Variants in SMARCA2 observed in about 807,000 individuals in gnomAD.
SMARCA2 encodes SWI/SNF-related matrix-associated actin-dependent regulator of chromatin subfamily A member 2.
In SMARCA2, 61 loss-of-function variants were observed where a neutral mutation model predicts 199.8. The observed-to-expected ratio is 0.31, with a 90% CI of 0.25 to 0.38. SMARCA2 has a LOEUF of 0.38. Among genes scored for constraint, SMARCA2 ranks in the 10% least tolerant of loss-of-function variants. The pLI is 1.00. For synonymous variants in SMARCA2, 935 were observed against 732.0 expected, an observed-to-expected ratio of 1.28 and a Z score of -4.48; for missense variants, 1,344 against 2,012.2, an observed-to-expected ratio of 0.67 and a Z score of 6.35.
chr9:2,141,686 G>A (rs929542995), intron 27 of SMARCA2, among the ~76,000 whole-genome samples: 3 of 152,084 alleles, frequency 2.0e-5, no homozygotes, highest in Admixed American at 6.5e-5. Flanking sequence ...TATTCACTAT[G>A]TAGTTGTGTG....
At chr9:2,060,118 CAA>C (rs372329238) in intron 8 of SMARCA2, among the ~76,000 whole-genome samples, 4,290 of 60,550 alleles carry the variant, frequency 0.071, 8 homozygotes, top group East Asian at 0.088. Flanking sequence ...GATCTGTGGC[CAA>C]AAAAAAAAAA....
At chr9:2,191,128 A>G in intron 32 of SMARCA2, 138 bp from the exon 33 acceptor site, 2 of 807,418 alleles carry the variant, frequency 2.5e-6, no homozygotes, top group African/African-American at 1.7e-5. Context: ...AGAACCACAC[A>G]GAACAGGCAT....
chr9:2,085,674 C>G (rs906644962), intron 17 of SMARCA2: 2 of 151,464 alleles, frequency 1.3e-5, no homozygotes, highest in African/African-American at 2.4e-5. Context: ...TTTTTCTTAC[C>G]TGTACATCCC....
chr9:2,032,744 A>AC (rs1474915314), intron 2 of SMARCA2: 5 of 417,434 alleles, frequency 1.2e-5, no homozygotes, highest in Non-Finnish European at 2.1e-5. Context: ...AAACAAACAA[A>AC]AAAACAACCC....
intron 19 of SMARCA2, among the ~76,000 whole-genome samples, chr9:2,092,601 C>T (rs67753941): frequency 0.12 from 18,141 of 152,176 alleles, 1,203 homozygotes; most frequent in East Asian, 0.21. Context: ...TCAAATACTT[C>T]TACAGGGGTA....
At chr9:2,093,919 G>C (rs1311344937) in intron 19 of SMARCA2, among the ~76,000 whole-genome samples, 1 of 152,178 alleles carries the variant, frequency 6.6e-6, no homozygotes, top group Admixed American at 6.5e-5. Context: ...AAATAAATAT[G>C]TAGATATATG....
chr9:2,156,559 T>A (rs1008213273), intron 27 of SMARCA2, among the ~76,000 whole-genome samples: 1 of 151,194 alleles, frequency 6.6e-6, no homozygotes, highest in South Asian at 2.1e-4. Flanking sequence ...GACTCCTGAG[T>A]AGGTGGGATT....
chr9:2,071,062 G>A (rs1028285501), intron 10 of SMARCA2, among the ~76,000 whole-genome samples: 2 of 152,070 alleles, frequency 1.3e-5, no homozygotes, highest in African/African-American at 2.4e-5. Context: ...CCCTGCCAGC[G>A]ATTCACAGTG....
At chr9:2,018,895 G>C (rs920990028) in intron 1 of SMARCA2, among the ~76,000 whole-genome samples, 3 of 152,196 alleles carry the variant, frequency 2.0e-5, no homozygotes, top group African/African-American at 7.2e-5. Flanking sequence ...TAGGCTTCCA[G>C]GCTACCTCTA....
chr9:2,119,542 T>A lies in SMARCA2; in HGVS notation c.3762+7T>A. The A allele has an allele frequency of 1.9e-6, 3 of 1,591,092 alleles. No individual in the cohort carries two copies. In the South Asian group the frequency reaches 3.3e-5, roughly 18 times the overall value. ...AGAATTTGACCTTTTTATGGTAATG[T>A]TACAGAAAATCATGAACACAAATGC... On this transcript the variant is annotated splice_region_variant and intron_variant, in intron 26 of 33. Transcript: ENST00000349721. This position sits in a 1 kb window ranked among gnomAD's most constrained non-coding sequence, Gnocchi z 4.6.
chr9:2,079,687 G>T (rs1418774511), intron 14 of SMARCA2, among the ~76,000 whole-genome samples: 1 of 152,184 alleles, frequency 6.6e-6, no homozygotes, highest in African/African-American at 2.4e-5. Flanking sequence ...TTTCTCCAAA[G>T]ACCATGTCAT....
intron 9 of SMARCA2, among the ~76,000 whole-genome samples, chr9:2,068,323 G>C (rs1219955029): frequency 6.6e-6 from 1 of 152,122 alleles, no homozygotes; most frequent in African/African-American, 2.4e-5. Flanking sequence ...TAATTACTTG[G>C]AAAATCATAA....
In SMARCA2 at chr9:2,017,018, G is replaced by A. The variant is rs1818381499; in HGVS notation, c.-37+1614G>A. On this transcript the variant is annotated intron_variant, in intron 1 of 33. Transcript: ENST00000349721. This position sits in a 1 kb window ranked among gnomAD's most constrained non-coding sequence, Gnocchi z 8.8. ...CTCGCAGCCTGGGTGCAGTTACACG[G>A]CGGAGGGCGGGGCGCGGCAGTGCGG... 2 of 152,132 alleles carry A rather than the reference G, an allele frequency of 1.3e-5. No individual in the cohort carries two copies. Among genetic ancestry groups the A allele is most frequent in the South Asian group, 4.1e-4 (2 of 4,840 alleles). The allele number at this position is 152,132 out of a possible 1,614,324, so 9.4% of individuals were successfully genotyped here.
At chr9:2,022,563 C>CTT (rs1013932792) in intron 1 of SMARCA2, among the ~76,000 whole-genome samples, 2 of 152,156 alleles carry the variant, frequency 1.3e-5, no homozygotes, top group Non-Finnish European at 2.9e-5. Context: ...TATGATAGAA[C>CTT]TTTAGTTCAT....
chr9:2,160,555 A>ATAT (rs1825613682), intron 27 of SMARCA2: 4 of 699,390 alleles, frequency 5.7e-6, no homozygotes, highest in African/African-American at 3.5e-5. Context: ...ATCACTCTTT[A>ATAT]TATTGATTGT....
In SMARCA2 at chr9:2,096,713, T is replaced by C. The variant is rs1193525559; in HGVS notation, c.2940T>C (p.His980=). ...MSALQKILYR[H]MQAKGILLTD... Reference sequence around the variant, plus strand: ...CTCTGCAGAAGATTCTGTATCGCCATATGCAAGCCAAGGGGATCCTTCTCA... The same window carrying C: ...CTCTGCAGAAGATTCTGTATCGCCACATGCAAGCCAAGGGGATCCTTCTCA... The change falls in exon 20 of 34, where the codon CAT becomes CAC. Residue 980 remains histidine (H), a synonymous_variant. Coordinates refer to ENST00000349721, the MANE Select transcript of SMARCA2 (RefSeq NM_003070.5). The C allele has an allele frequency of 6.2e-7, 1 of 1,613,826 alleles. No homozygotes were observed. The highest frequency in any genetic ancestry group is 8.5e-7 in the Non-Finnish European group (1 of 1,179,822).
At position 2,053,834 on chromosome 9, in the gene SMARCA2, G is replaced by C. The variant is rs56790027; in HGVS notation, c.1047-763G>C. On this transcript the variant is annotated intron_variant, in intron 5 of 33. Transcript: ENST00000349721. ...TCCCAAGTGAATGGCTAAAGTCAGA[G>C]GTCTTTTATTTTCTACTCTGCCTTT... Among the ~76,000 whole-genome samples, 348 of 152,248 alleles carry C rather than the reference G, an allele frequency of 2.3e-3. 10 individuals carry two copies. The East Asian group carries it at 0.058, about 25-fold the overall frequency.
At chr9:2,181,100 T>G (rs1413437462) in intron 29 of SMARCA2, 1 of 154,264 alleles carries the variant, frequency 6.5e-6, no homozygotes, top group African/African-American at 2.4e-5. Flanking sequence ...CAGAGTATAT[T>G]CTAACATATT....
intron 27 of SMARCA2, among the ~76,000 whole-genome samples, chr9:2,144,182 A>C (rs2130696681): frequency 6.6e-6 from 1 of 152,278 alleles, no homozygotes; most frequent in East Asian, 1.9e-4. Context: ...TGAGCCCAAG[A>C]GGCAGGTATT....
Sources: gnomAD v4.1 joint callset for allele counts (sites outside exome capture counted in the v4.1 genomes callset) on GRCh38, gnomAD v4.1.1 for gene constraint, Gnocchi (gnomAD v3.1) non-coding constraint, MANE v1.5 for transcripts, NCBI Gene and HGNC (gene_info 2026-07-23, HGNC 2026-07-21) for gene names.